Variants in ABCB11 observed in about 807,000 individuals in gnomAD.
The protein encoded by ABCB11 is bile salt export pump.
A neutral mutation model predicts 148.0 loss-of-function variants in ABCB11; 95 were observed. That is an observed-to-expected ratio of 0.64 (90% CI 0.54 to 0.76). The LOEUF (loss-of-function observed/expected upper bound fraction) is 0.76. Among genes scored for constraint, ABCB11 ranks in the 30% least tolerant of loss-of-function variants. The pLI, the probability that ABCB11 is intolerant of heterozygous loss-of-function variation, is 0.00. For missense variants in ABCB11, 1,523 were observed against 1,617.8 expected, an observed-to-expected ratio of 0.94 and a Z score of 1.01; for synonymous variants, 591 against 555.4, an observed-to-expected ratio of 1.06 and a Z score of -0.90.
In ABCB11 at chr2:168,965,406, A is replaced by G. The variant is rs142922744; in HGVS notation, c.2076-1098T>C. Among the ~76,000 whole-genome samples, 520 of 151,904 alleles carry G rather than the reference A, an allele frequency of 3.4e-3. 4 individuals carry two copies. The highest frequency in any genetic ancestry group is 0.011 in the African/African-American group (470 of 41,536). On this transcript the variant is annotated intron_variant, in intron 17 of 27. Coordinates refer to ENST00000650372, the MANE Select transcript of ABCB11 (RefSeq NM_003742.4). Reference sequence around the variant, plus strand: ...GACAATTATGTTGAGACCTTCAAAAAAAGAAGCTTTCTGAAAAATGAAGCC... The same window carrying G: ...GACAATTATGTTGAGACCTTCAAAAGAAGAAGCTTTCTGAAAAATGAAGCC...
intron 18 of ABCB11, among the ~76,000 whole-genome samples, chr2:168,958,802 T>C (rs1692918346): frequency 6.6e-6 from 1 of 151,704 alleles, no homozygotes; most frequent in Non-Finnish European, 1.5e-5. Context: ...GCAAATATTA[T>C]ACATGGACCT....
At chr2:168,952,369 T>G (rs1032773467) in intron 19 of ABCB11, among the ~76,000 whole-genome samples, 19 of 151,314 alleles carry the variant, frequency 1.3e-4, no homozygotes, top group Middle Eastern at 3.4e-3. Flanking sequence ...TATTTTTTTT[T>G]GTTAGGAAAT....
At chr2:168,989,445 A>C (rs1694438142) in intron 9 of ABCB11, among the ~76,000 whole-genome samples, 1 of 151,994 alleles carries the variant, frequency 6.6e-6, no homozygotes. Flanking sequence ...AAATGCATGG[A>C]CTTCTTTCTG....
intron 16 of ABCB11, 88 bp from the exon 17 acceptor site, chr2:168,968,578 T>G: frequency 9.2e-7 from 1 of 1,084,558 alleles, no homozygotes; most frequent in Admixed American, 2.5e-5. Flanking sequence ...TTGCTTAGAA[T>G]ATAATTACTA....
intron 18 of ABCB11, among the ~76,000 whole-genome samples, chr2:168,959,932 T>G (rs1412728813): frequency 3.7e-5 from 2 of 53,664 alleles, no homozygotes; most frequent in Non-Finnish European, 5.9e-5. Context: ...AGACTGCATC[T>G]CCAAAAAAAA....
At chr2:168,941,150 G>A (rs1490577647) in intron 21 of ABCB11, among the ~76,000 whole-genome samples, 1 of 151,944 alleles carries the variant, frequency 6.6e-6, no homozygotes, top group Non-Finnish European at 1.5e-5. Flanking sequence ...TATTTAAGAA[G>A]TAACATTTTA....
Position 169,014,339 on chromosome 2 carries a change from C to T in ABCB11, c.114G>A (p.Lys38=), listed in dbSNP as rs753623972. 1 of 1,613,334 alleles carries T rather than the reference C, an allele frequency of 6.2e-7. No individual in the cohort carries two copies. Among genetic ancestry groups the T allele is most frequent in the Admixed American group, 1.7e-5 (1 of 59,982 alleles). The change falls in exon 4 of 28, where the codon AAG becomes AAA. Residue 38 remains lysine (K), a synonymous_variant. Coordinates refer to ENST00000650372, the MANE Select transcript of ABCB11 (RefSeq NM_003742.4). ...AGCCAACTCTAACGCCATCACCTTT[C>T]TTCTCATCTTGTAACCTGATGAGAA... ...NDKKSRLQDE[K]KGDGVRVGFF...
chr2:168,932,527 G>T lies in ABCB11; in HGVS notation c.3063C>A (p.Ile1021=). The change falls in exon 24 of 28, where the codon ATC becomes ATA. Residue 1021 remains isoleucine, a synonymous_variant. Transcript: ENST00000650372. ...GLHFSYVFRV[I]SAVVLSATAL... ...CTGTTGCACTCAGTACAACTGCAGA[G>T]ATCACCCTGTAACCAGACAGACACA... 1 of 1,613,374 alleles carries T rather than the reference G, an allele frequency of 6.2e-7. No homozygotes were observed. Among genetic ancestry groups the T allele is most frequent in the Non-Finnish European group, 8.5e-7 (1 of 1,179,662 alleles).
intron 1 of ABCB11, among the ~76,000 whole-genome samples, chr2:169,025,581 A>C (rs1374008277): frequency 1.3e-5 from 2 of 152,148 alleles, no homozygotes; most frequent in Non-Finnish European, 2.9e-5. Context: ...CTAATCCACT[A>C]ACCTATTCTC....
chr2:169,029,987 G>T (rs111745241), intron 1 of ABCB11, among the ~76,000 whole-genome samples: 3,517 of 121,822 alleles, frequency 0.029, 235 homozygotes, highest in African/African-American at 0.056. Context: ...TGATCCACCC[G>T]CCTCGGCCTC....
Position 168,964,202 on chromosome 2 carries a change from T to C in ABCB11, c.2178+4A>G. 6.5e-7 allele frequency: 1 copy of C among 1,550,306 alleles called. No individual in the cohort carries two copies. Among genetic ancestry groups the C allele is most frequent in the South Asian group, 1.2e-5 (1 of 84,236 alleles). ...TTCCCCCCCATAAGCAGTTGGTGCC[T>C]GACCTTTCTATCTTCTTCATAGGTA... On this transcript the variant is annotated splice_donor_region_variant and intron_variant, in intron 18 of 27. Coordinates refer to ENST00000650372, the MANE Select transcript of ABCB11 (RefSeq NM_003742.4).
At chr2:168,925,538 C>T (rs1417705921) in intron 26 of ABCB11, among the ~76,000 whole-genome samples, 1 of 152,172 alleles carries the variant, frequency 6.6e-6, no homozygotes, top group African/African-American at 2.4e-5. Context: ...TTTTAGATTA[C>T]AAAACTTAGG....
At chr2:168,985,903 C>T (rs897680051) in intron 10 of ABCB11, among the ~76,000 whole-genome samples, 2 of 151,934 alleles carry the variant, frequency 1.3e-5, no homozygotes, top group Non-Finnish European at 2.9e-5. Flanking sequence ...AGGACTTACT[C>T]ATGTAACTAA....
chr2:168,997,228 C>G (rs1694746820), intron 5 of ABCB11, among the ~76,000 whole-genome samples: 1 of 152,018 alleles, frequency 6.6e-6, no homozygotes, highest in African/African-American at 2.4e-5. Context: ...GGAATGCTAG[C>G]CAGCTTTTCA....
chr2:168,921,800 C>T lies in ABCB11; in HGVS notation c.*1822G>A, dbSNP rs539530388. Reference sequence around the variant, plus strand: ...AGGTGGGCTTCATAGAAGGGTAATACGGCTGGAAAATTTTCTTAGGATTCC... The same window carrying T: ...AGGTGGGCTTCATAGAAGGGTAATATGGCTGGAAAATTTTCTTAGGATTCC... On this transcript the variant is annotated 3_prime_UTR_variant, in exon 28 of 28. Transcript: ENST00000650372. Among the ~76,000 whole-genome samples, 64 of 151,046 alleles carry T rather than the reference C, an allele frequency of 4.2e-4. No homozygotes were observed. Among genetic ancestry groups the T allele is most frequent in the African/African-American group, 1.6e-3 (64 of 41,154 alleles).
intron 19 of ABCB11, among the ~76,000 whole-genome samples, chr2:168,945,435 G>C (rs1692262273): frequency 6.6e-6 from 1 of 151,842 alleles, no homozygotes; most frequent in Non-Finnish European, 1.5e-5. Flanking sequence ...CAGAATTTTT[G>C]TCTTGTTATT....
At chr2:169,020,582 C>T (rs1191634548) in intron 1 of ABCB11, among the ~76,000 whole-genome samples, 1 of 152,106 alleles carries the variant, frequency 6.6e-6, no homozygotes, top group Non-Finnish European at 1.5e-5. Flanking sequence ...ACATGCTACA[C>T]AGATGAACCT....
At chr2:168,965,991 T>C (rs1002682864) in intron 17 of ABCB11, among the ~76,000 whole-genome samples, 1 of 151,810 alleles carries the variant, frequency 6.6e-6, no homozygotes, top group Non-Finnish European at 1.5e-5. Flanking sequence ...TTCAGACTCT[T>C]GCCAAGACTC....
intron 25 of ABCB11, among the ~76,000 whole-genome samples, chr2:168,927,707 A>G (rs1691378805): frequency 6.6e-6 from 1 of 152,136 alleles, no homozygotes; most frequent in Admixed American, 6.5e-5. Context: ...GGGTTGCTCT[A>G]TTTTGAGACT....
Sources: gnomAD v4.1 joint callset for allele counts (sites outside exome capture counted in the v4.1 genomes callset) on GRCh38, gnomAD v4.1.1 for gene constraint, MANE v1.5 for transcripts, NCBI Gene and HGNC (gene_info 2026-07-23, HGNC 2026-07-21) for gene names.